The following CPD variants were observed in gnomAD, a reference collection of about 807,000 sequenced individuals.
CPD encodes the protein metallocarboxypeptidase D.
CPD carries 69 observed loss-of-function variants against 138.3 expected under a neutral mutation model. The observed-to-expected ratio is 0.50, with a 90% CI of 0.41 to 0.61. The LOEUF (loss-of-function observed/expected upper bound fraction) is 0.61, where lower values mean the gene tolerates loss of function less well. Ranked by LOEUF, CPD falls within the 20% of genes least tolerant of loss-of-function variation. The pLI is 0.00. For missense variants in CPD, 1,432 were observed against 1,733.3 expected (o/e 0.83, Z 3.09); for synonymous variants, 651 against 642.1 (o/e 1.01, Z -0.21).
rs575924630 is a variant in CPD at position 30,416,853 on chromosome 17, A to C, written c.995-3988A>C. 2.5e-3 allele frequency among the ~76,000 whole-genome samples: 377 copies of C among 152,326 alleles called. 1 individual carries two copies. Among genetic ancestry groups the C allele is most frequent in the African/African-American group, 8.7e-3 (360 of 41,578 alleles). On this transcript the variant is annotated intron_variant, in intron 2 of 20. Transcript: ENST00000225719. ...CGCGGTGGCTCACGCCTGTAATCCC[A>C]GCACTTTGGGAGGCTGAGGCGGGTG...
chr17:30,420,135 A>G (rs144216437), intron 2 of CPD, among the ~76,000 whole-genome samples: 11 of 152,356 alleles, frequency 7.2e-5, no homozygotes, highest in Non-Finnish European at 1.6e-4. Flanking sequence ...GTGGGCTTAT[A>G]TAGGTATAAA....
At chr17:30,450,603 A>G (rs1913143717) in intron 13 of CPD, among the ~76,000 whole-genome samples, 1 of 152,208 alleles carries the variant, frequency 6.6e-6, no homozygotes, top group Non-Finnish European at 1.5e-5. Flanking sequence ...TCATGCCTGT[A>G]ATCACAACAC....
intron 20 of CPD, among the ~76,000 whole-genome samples, chr17:30,463,889 C>T (rs779716923): frequency 5.9e-5 from 9 of 152,112 alleles, no homozygotes; most frequent in Non-Finnish European, 1.0e-4. Context: ...CTATTGTGAA[C>T]TTAGTTTTTA....
intron 1 of CPD, among the ~76,000 whole-genome samples, chr17:30,380,814 C>T (rs1911022145): frequency 6.6e-6 from 1 of 152,166 alleles, no homozygotes; most frequent in African/African-American, 2.4e-5. Context: ...GGAACTCACT[C>T]CAGATGGCAT....
chr17:30,430,512 T>G (rs1912534797), intron 7 of CPD, among the ~76,000 whole-genome samples: 1 of 152,258 alleles, frequency 6.6e-6, no homozygotes, highest in Admixed American at 6.5e-5. Context: ...TATATACATA[T>G]GTATATATCA....
chr17:30,422,100 G>A (rs570072169), intron 4 of CPD, among the ~76,000 whole-genome samples: 3 of 152,286 alleles, frequency 2.0e-5, no homozygotes, highest in African/African-American at 4.8e-5. Flanking sequence ...GCTGTGTAAA[G>A]CATTGCCTTA....
At position 30,422,809 on chromosome 17, in the gene CPD, T is replaced by C; in HGVS notation, c.1443T>C (p.Ala481=). The part of the protein sequence containing the change: ...TEAVSTASTV[A]IPNILSGTSS... ...CTGTATCAACTGCTAGCACAGTTGC[T>C]ATACCTAATATTCTTTCTGGAACAT... Residue 481 remains alanine, a synonymous_variant, in exon 5 of 21, where the codon GCT becomes GCC. Transcript: ENST00000225719. 6.2e-7 allele frequency: 1 copy of C among 1,614,136 alleles called. No individual in the cohort carries two copies. Among genetic ancestry groups the C allele is most frequent in the South Asian group, 1.1e-5 (1 of 91,082 alleles).
intron 2 of CPD, among the ~76,000 whole-genome samples, chr17:30,395,559 A>T (rs1008017185): frequency 1.6e-4 from 24 of 152,154 alleles, no homozygotes; most frequent in Non-Finnish European, 2.8e-4. Context: ...GGAGCAGTGC[A>T]GTTGTGTACT....
At chr17:30,442,061 A>G (rs1912884567) in intron 9 of CPD, among the ~76,000 whole-genome samples, 1 of 151,934 alleles carries the variant, frequency 6.6e-6, no homozygotes, top group African/African-American at 2.4e-5. Flanking sequence ...TTGGTTGGTA[A>G]GCTATTGATT....
intron 13 of CPD, chr17:30,450,215 C>G (rs1913131392): frequency 6.7e-6 from 1 of 148,362 alleles, no homozygotes; most frequent in Admixed American, 6.6e-5. Flanking sequence ...CACCACCATG[C>G]CCGGCTAATT....
At chr17:30,381,499 A>G (rs1161819014) in intron 1 of CPD, among the ~76,000 whole-genome samples, 3 of 152,314 alleles carry the variant, frequency 2.0e-5, no homozygotes, top group South Asian at 2.1e-4. Context: ...CTGTTCTTCA[A>G]ATATGTAACT....
At chr17:30,417,157 T>C (rs1324445408) in intron 2 of CPD, among the ~76,000 whole-genome samples, 1 of 152,154 alleles carries the variant, frequency 6.6e-6, no homozygotes, top group Non-Finnish European at 1.5e-5. Flanking sequence ...TTTTCTTATT[T>C]ATATTTGTTT....
At chr17:30,450,842 G>A (rs1465793132) in intron 13 of CPD, among the ~76,000 whole-genome samples, 1 of 152,092 alleles carries the variant, frequency 6.6e-6, no homozygotes, top group African/African-American at 2.4e-5. Flanking sequence ...CTGGGTAACA[G>A]GCTGGAATCT....
chr17:30,394,997 A>G (rs567999698), intron 2 of CPD, among the ~76,000 whole-genome samples: 2 of 152,072 alleles, frequency 1.3e-5, no homozygotes, highest in Admixed American at 6.6e-5. Context: ...CAAGTACCCA[A>G]TGGGCAGTTA....
chr17:30,459,857 A>G (rs1845405020), intron 17 of CPD, among the ~76,000 whole-genome samples: 2 of 152,174 alleles, frequency 1.3e-5, no homozygotes, highest in South Asian at 4.1e-4. Context: ...TTGTTAGCAG[A>G]TGGGTGGTTG....
At chr17:30,444,069 A>G in intron 11 of CPD, 98 bp downstream of exon 11, 1 of 1,293,002 alleles carries the variant, frequency 7.7e-7, no homozygotes. Flanking sequence ...CCTGTTAAGC[A>G]ACTTTGAATG....
At chr17:30,386,191 G>C (rs755816403) in intron 2 of CPD, among the ~76,000 whole-genome samples, 2 of 152,064 alleles carry the variant, frequency 1.3e-5, no homozygotes, top group African/African-American at 4.8e-5. Context: ...CACCATGCTA[G>C]CTAATTTTTA....
intron 11 of CPD, 87 bp downstream of exon 11, chr17:30,444,058 G>T: frequency 7.2e-7 from 1 of 1,391,598 alleles, no homozygotes; most frequent in Non-Finnish European, 9.9e-7. Flanking sequence ...GTTCTAGAGA[G>T]CCTGTTAAGC....
intron 8 of CPD, among the ~76,000 whole-genome samples, chr17:30,435,045 A>G (rs1912663488): frequency 6.6e-6 from 1 of 152,180 alleles, no homozygotes; most frequent in Non-Finnish European, 1.5e-5. Context: ...AAACAGATTA[A>G]GTATACCCAA....
Sources: allele counts gnomAD v4.1 joint callset (sites outside exome capture counted in the v4.1 genomes callset), GRCh38; gene constraint gnomAD v4.1.1; transcripts MANE v1.5; gene names NCBI Gene and HGNC (gene_info 2026-07-23, HGNC 2026-07-21).